CLTC: variants seen among roughly 807,000 people sequenced by gnomAD.
CLTC encodes the protein clathrin heavy chain 1.
Under a neutral mutation model 195.8 loss-of-function variants are expected in CLTC, and 16 were observed. The ratio of observed to expected loss-of-function variants is 0.08; its 90% CI spans 0.06 to 0.12. The LOEUF is 0.12. CLTC is among the 10% of genes least tolerant of loss of function. The probability of loss-of-function intolerance (pLI) is 1.00; values close to 1 mark genes in which losing one functional copy is unlikely to be tolerated. For synonymous variants in CLTC, 667 were observed against 689.4 expected, an observed-to-expected ratio of 0.97 and a Z score of 0.51; for missense variants, 796 against 2,027.0, an observed-to-expected ratio of 0.39 and a Z score of 11.66.
intron 1 of CLTC, among the ~76,000 whole-genome samples, chr17:59,641,994 T>C (rs2143489355): frequency 7.0e-6 from 1 of 143,504 alleles, no homozygotes. Context: ...GGCCAAATCT[T>C]TGTTGTTTTT....
intron 17 of CLTC, among the ~76,000 whole-genome samples, chr17:59,677,445 C>A (rs2032991059): frequency 1.3e-5 from 2 of 152,172 alleles, no homozygotes; most frequent in Non-Finnish European, 2.9e-5. Context: ...TACACTCAGG[C>A]ACACCATTCA....
At chr17:59,633,428 G>A (rs1249372112) in intron 1 of CLTC, among the ~76,000 whole-genome samples, 1 of 152,156 alleles carries the variant, frequency 6.6e-6, no homozygotes, top group African/African-American at 2.4e-5. Flanking sequence ...GGGAGGCAGA[G>A]GTTGTGGTGA....
chr17:59,675,579 A>G (rs1390153529), intron 16 of CLTC, among the ~76,000 whole-genome samples: 1 of 152,222 alleles, frequency 6.6e-6, no homozygotes, highest in Non-Finnish European at 1.5e-5. Context: ...TGTTTCAAAC[A>G]TGGAAAAATT....
intron 16 of CLTC, among the ~76,000 whole-genome samples, chr17:59,675,502 G>A (rs1260880497): frequency 6.6e-6 from 1 of 151,996 alleles, no homozygotes; most frequent in African/African-American, 2.4e-5. Context: ...GAAAGTCTGT[G>A]GGTTTCATTT....
intron 1 of CLTC, among the ~76,000 whole-genome samples, chr17:59,638,266 C>T (rs544139673): frequency 6.6e-6 from 1 of 151,964 alleles, no homozygotes; most frequent in African/African-American, 2.4e-5. Context: ...CACTGCACTC[C>T]AGCTTGGGTG....
intron 14 of CLTC, among the ~76,000 whole-genome samples, chr17:59,669,719 G>A (rs996482681): frequency 1.3e-5 from 1 of 77,756 alleles, no homozygotes; most frequent in Non-Finnish European, 3.0e-5. Flanking sequence ...GTGTGTGTGT[G>A]TACACTATAT....
rs755074371 is a variant in CLTC at position 59,663,898 on chromosome 17, A to T, written c.1425A>T (p.Ala475=). The T allele has an allele frequency of 3.1e-6, 5 of 1,613,546 alleles. No individual in the cohort carries two copies. The East Asian group carries it at 8.9e-5, about 29-fold the overall frequency. The change falls in exon 9 of 32, where the codon GCA becomes GCT. Residue 475 remains alanine, a synonymous_variant. Transcript: ENST00000269122. The part of the protein sequence containing the change: ...DLVKSVDPTL[A]LSVYLRANVP... ...TGAAATCTGTGGACCCTACATTGGC[A>T]CTTAGTGTGTACCTAAGGGCTAACG...
chr17:59,693,870 G>T lies in CLTC; in HGVS notation c.*18G>T. 1 of 1,595,170 alleles carries T rather than the reference G, an allele frequency of 6.3e-7. No homozygotes were observed. Among genetic ancestry groups the T allele is most frequent in the African/African-American group, 1.4e-5 (1 of 73,974 alleles). On this transcript the variant is annotated 3_prime_UTR_variant, in exon 32 of 32. Transcript: ENST00000269122. ...GCATGTGAGATGAAGCGCTGATCCT[G>T]TAGTCACCTATTTTCGTACTGAAAC...
At chr17:59,620,981 G>T (rs1249623994) in intron 1 of CLTC, among the ~76,000 whole-genome samples, 1 of 152,090 alleles carries the variant, frequency 6.6e-6, no homozygotes, top group Non-Finnish European at 1.5e-5. Context: ...TAGTCTTCTC[G>T]AGTAGTAGCA....
At chr17:59,633,028 T>TTGTCATTTTAATCATTTTAA (rs139482417) in intron 1 of CLTC, among the ~76,000 whole-genome samples, 1 of 151,832 alleles carries the variant, frequency 6.6e-6, no homozygotes, top group African/African-American at 2.4e-5. Context: ...ATCATGGTGG[T>TTGTCATTTTAATCATTTTAA]TGTCATTTTA....
In CLTC at chr17:59,696,629, G is replaced by C. The variant is rs2033433431; in HGVS notation, c.*2777G>C. The C allele has an allele frequency of 4.7e-6, 1 of 212,448 alleles. No individual in the cohort carries two copies. Among genetic ancestry groups the C allele is most frequent in the Non-Finnish European group, 9.5e-6 (1 of 105,094 alleles). 13.2% of individuals were successfully genotyped at this position (212,448 alleles called of 1,614,324 possible). A position where few individuals can be genotyped will look rare whatever the true frequency, so the allele number is the denominator to read the frequency against. ...ACTGGTATAACATAGTAATTATTAG[G>C]ATTGTATCAAGTGTATCTAAAGATC... On this transcript the variant is annotated 3_prime_UTR_variant, in exon 32 of 32. Coordinates refer to ENST00000269122, the MANE Select transcript of CLTC (RefSeq NM_004859.4).
chr17:59,677,109 G>C lies in CLTC; in HGVS notation c.2717G>C (p.Gly906Ala), dbSNP rs1480207382. 6.2e-7 allele frequency: 1 copy of C among 1,614,094 alleles called. No homozygotes were observed. ...ENPYYDSRVV[G>A]KYCEKRDPHL... Reference sequence around the variant, plus strand: ...CCCTACTATGACAGTCGCGTTGTTGGAAAGTATTGTGAGAAGAGAGATCCA... The same window carrying C: ...CCCTACTATGACAGTCGCGTTGTTGCAAAGTATTGTGAGAAGAGAGATCCA... The change falls in exon 17 of 32, where the codon GGA becomes GCA. Residue 906 changes from glycine to alanine, a missense_variant. Around this residue, in one of 9 missense-constraint regions of CLTC, gnomAD observed 160 missense variants for 448.2 expected, o/e 0.36. Coordinates refer to ENST00000269122, the MANE Select transcript of CLTC (RefSeq NM_004859.4).
At chr17:59,660,650 A>G (rs531381352) in intron 7 of CLTC, 62 bp downstream of exon 7, 18 of 1,516,952 alleles carry the variant, frequency 1.2e-5, no homozygotes, top group Non-Finnish European at 1.5e-5. Context: ...TCTGTTTCTT[A>G]TATTACTAGA....
chr17:59,667,820 G>A (rs1178813452), intron 13 of CLTC, among the ~76,000 whole-genome samples: 4 of 152,166 alleles, frequency 2.6e-5, no homozygotes, highest in African/African-American at 4.8e-5. Flanking sequence ...GGGTACTAAC[G>A]TAATCACTGT....
chr17:59,656,145 G>C, intron 6 of CLTC, 118 bp downstream of exon 6: 1 of 895,186 alleles, frequency 1.1e-6, no homozygotes, highest in Non-Finnish European at 1.6e-6. Context: ...ACATATTACT[G>C]TTAGTTTTTT....
At chr17:59,663,631 C>T (rs1473172401) in intron 8 of CLTC, among the ~76,000 whole-genome samples, 4 of 152,100 alleles carry the variant, frequency 2.6e-5, no homozygotes, top group Non-Finnish European at 5.9e-5. Context: ...AGCTTTTTAT[C>T]GTTAAACAGG....
chr17:59,678,216 C>A (rs755115042), intron 17 of CLTC, among the ~76,000 whole-genome samples: 1 of 152,178 alleles, frequency 6.6e-6, no homozygotes, highest in Non-Finnish European at 1.5e-5. Flanking sequence ...TCCGGAAGCA[C>A]GCAGTGTTCA....
At chr17:59,641,939 C>T (rs565013052) in intron 1 of CLTC, among the ~76,000 whole-genome samples, 2 of 150,892 alleles carry the variant, frequency 1.3e-5, no homozygotes, top group African/African-American at 2.4e-5. Flanking sequence ...CCTCTCATCT[C>T]AGCCTCCCAA....
At chr17:59,653,074 G>T (rs1418632812) in intron 5 of CLTC, among the ~76,000 whole-genome samples, 2 of 152,150 alleles carry the variant, frequency 1.3e-5, no homozygotes, top group African/African-American at 4.8e-5. Context: ...ACCTCTCTGA[G>T]CCTTCACAGA....
Sources: gnomAD v4.1 joint callset for allele counts (sites outside exome capture counted in the v4.1 genomes callset) on GRCh38, gnomAD v4.1.1 for gene constraint, gnomAD v4.1.1 regional missense constraint, MANE v1.5 for transcripts, NCBI Gene and HGNC (gene_info 2026-07-23, HGNC 2026-07-21) for gene names.